GOLGA5: variants seen among roughly 807,000 people sequenced by gnomAD.
GOLGA5 encodes the protein golgin A5.
A neutral mutation model predicts 93.5 loss-of-function variants in GOLGA5; 50 were observed. That is an observed-to-expected ratio of 0.53 (90% CI 0.43 to 0.68). The LOEUF (loss-of-function observed/expected upper bound fraction) is 0.68. Among genes scored for constraint, GOLGA5 ranks in the 30% least tolerant of loss-of-function variants. The pLI, the probability that GOLGA5 is intolerant of heterozygous loss-of-function variation, is 0.00. For missense variants in GOLGA5, 760 were observed against 856.4 expected, an observed-to-expected ratio of 0.89 and a Z score of 1.40; for synonymous variants, 312 against 304.5, an observed-to-expected ratio of 1.02 and a Z score of -0.26.
chr14:92,822,165 A>G (rs915159953), intron 8 of GOLGA5, among the ~76,000 whole-genome samples: 1 of 152,196 alleles, frequency 6.6e-6, no homozygotes, highest in Non-Finnish European at 1.5e-5. Context: ...AAACCTTGTA[A>G]AGTGTGATTC....
chr14:92,795,438 A>T (rs1394336330), intron 1 of GOLGA5, among the ~76,000 whole-genome samples: 2 of 152,246 alleles, frequency 1.3e-5, no homozygotes, highest in Non-Finnish European at 2.9e-5. Context: ...CACTAGGGTA[A>T]CTTAGACTTG....
chr14:92,812,553 G>A lies in GOLGA5; in HGVS notation c.1320+799G>A, dbSNP rs537436059. Among the ~76,000 whole-genome samples, 17 of 152,232 alleles carry A rather than the reference G, an allele frequency of 1.1e-4. No homozygotes were observed. In the South Asian group the frequency reaches 3.5e-3, roughly 32 times the overall value. Reference sequence around the variant, plus strand: ...TGTACGTGCTGTCTTCATTTCTGTAGAACTTGTTAACTCTTATCTCCTTCT... The same window carrying A: ...TGTACGTGCTGTCTTCATTTCTGTAAAACTTGTTAACTCTTATCTCCTTCT... On this transcript the variant is annotated intron_variant, in intron 6 of 12. Coordinates refer to ENST00000163416, the MANE Select transcript of GOLGA5 (RefSeq NM_005113.4).
intron 8 of GOLGA5, among the ~76,000 whole-genome samples, chr14:92,823,713 C>A (rs966972965): frequency 5.3e-5 from 8 of 152,012 alleles, no homozygotes; most frequent in African/African-American, 1.9e-4. Flanking sequence ...CCGTGCCCAA[C>A]CTGGCTTTTC....
chr14:92,807,137 T>TA (rs1595592884), intron 3 of GOLGA5, among the ~76,000 whole-genome samples, 174 bp downstream of exon 3: 1 of 151,958 alleles, frequency 6.6e-6, no homozygotes, highest in East Asian at 1.9e-4. Flanking sequence ...CTGTGTCTAC[T>TA]AAAAATACAA....
intron 3 of GOLGA5, 53 bp downstream of exon 3, chr14:92,807,016 A>G: frequency 7.9e-7 from 1 of 1,264,994 alleles, no homozygotes; most frequent in Non-Finnish European, 1.2e-6. Context: ...AAATAAACTT[A>G]AGGCTGGACG....
In GOLGA5 at chr14:92,819,705, T is replaced by C; in HGVS notation, c.1492-3T>C. On this transcript the variant is annotated splice_polypyrimidine_tract_variant and splice_region_variant and intron_variant, in intron 7 of 12. Transcript: ENST00000163416. ...CTTTTACATGTAAGCTTTTTCTCTTTAGGATATGGAGGCACAGCAAGTTAA... is the reference window on the plus strand; with the variant it reads ...CTTTTACATGTAAGCTTTTTCTCTTCAGGATATGGAGGCACAGCAAGTTAA... The C allele has an allele frequency of 6.2e-7, 1 of 1,612,958 alleles. No homozygotes were observed. The highest frequency in any genetic ancestry group is 8.5e-7 in the Non-Finnish European group (1 of 1,179,146).
At chr14:92,835,283 A>G (rs1010707073) in intron 10 of GOLGA5, among the ~76,000 whole-genome samples, 3 of 152,172 alleles carry the variant, frequency 2.0e-5, no homozygotes, top group Admixed American at 2.0e-4. Context: ...GCCCATTAAT[A>G]TTGACTCTTG....
At chr14:92,804,748 C>G (rs1239757017) in intron 2 of GOLGA5, among the ~76,000 whole-genome samples, 2 of 148,764 alleles carry the variant, frequency 1.3e-5, no homozygotes, top group African/African-American at 5.0e-5. Flanking sequence ...CTCTGCCTCC[C>G]AGGTTCAAGC....
At chr14:92,806,648 G>A (rs1234122713) in intron 2 of GOLGA5, 88 bp from the exon 3 acceptor site, 1 of 856,110 alleles carries the variant, frequency 1.2e-6, no homozygotes, top group Non-Finnish European at 1.9e-6. Flanking sequence ...AGCTGTAGCA[G>A]TCAACTTGAG....
chr14:92,796,830 CGCGGTGGCGGGT>C (rs1383349168), intron 1 of GOLGA5, among the ~76,000 whole-genome samples: 8 of 64,058 alleles, frequency 1.2e-4, no homozygotes, highest in African/African-American at 1.7e-4. Context: ...ATTAGCCGGG[CGCGGTGGCGGGT>C]GCCTGTAGTC....
In GOLGA5 at chr14:92,809,316, A is replaced by G; in HGVS notation, c.789A>G (p.Arg263=). The change falls in exon 4 of 13, where the codon AGA becomes AGG. Residue 263 remains arginine, a synonymous_variant. Coordinates refer to ENST00000163416, the MANE Select transcript of GOLGA5 (RefSeq NM_005113.4). The part of the protein sequence containing the change: ...KETQEELNKA[R]ARVEKWNADH... ...TTTTAATAGAATTAAACAAAGCAAG[A>G]GCAAGAGTTGAAAAGTGGAATGCTG... is the stretch of plus-strand genomic sequence containing the variant. The G allele has an allele frequency of 3.1e-6, 5 of 1,611,034 alleles. No individual in the cohort carries two copies. Among genetic ancestry groups the G allele is most frequent in the Non-Finnish European group, 4.2e-6 (5 of 1,177,150 alleles).
chr14:92,821,119 T>C lies in GOLGA5; in HGVS notation c.1620+1283T>C, dbSNP rs1885308650. 3.3e-5 allele frequency among the ~76,000 whole-genome samples: 5 copies of C among 152,242 alleles called. No individual in the cohort carries two copies. In the South Asian group the frequency reaches 1.0e-3, roughly 31 times the overall value. On this transcript the variant is annotated intron_variant, in intron 8 of 12. Coordinates refer to ENST00000163416, the MANE Select transcript of GOLGA5 (RefSeq NM_005113.4). ...GAGCCCAGAATGCTTTCTATTACCC[T>C]GTCTGTATTTTGTTATATCTCCTAG...
At chr14:92,818,612 A>G (rs776488655) in intron 7 of GOLGA5, among the ~76,000 whole-genome samples, 3 of 152,194 alleles carry the variant, frequency 2.0e-5, no homozygotes, top group Non-Finnish European at 2.9e-5. Context: ...TTTTTCCTCT[A>G]AATCTACAAA....
At chr14:92,811,110 T>G (rs1885094020) in intron 5 of GOLGA5, among the ~76,000 whole-genome samples, 1 of 152,228 alleles carries the variant, frequency 6.6e-6, no homozygotes, top group South Asian at 2.1e-4. Context: ...TAATGAGATA[T>G]TTTACATTAT....
chr14:92,830,292 TG>T (rs1885502874), intron 9 of GOLGA5, among the ~76,000 whole-genome samples: 1 of 152,180 alleles, frequency 6.6e-6, no homozygotes, highest in South Asian at 2.1e-4. Context: ...CACTCCAGTC[TG>T]GGCGGCAGAG....
chr14:92,834,956 G>T (rs937222834), intron 10 of GOLGA5, among the ~76,000 whole-genome samples: 2 of 152,236 alleles, frequency 1.3e-5, no homozygotes, highest in Admixed American at 1.3e-4. Context: ...TAAGCTGACA[G>T]AATATGTTGG....
At chr14:92,831,456 C>T (rs1885529187) in intron 9 of GOLGA5, among the ~76,000 whole-genome samples, 1 of 152,010 alleles carries the variant, frequency 6.6e-6, no homozygotes, top group Admixed American at 6.5e-5. Flanking sequence ...AGGATTCATA[C>T]TGTGTGATTC....
chr14:92,816,305 G>T lies in GOLGA5; in HGVS notation c.1375G>T (p.Asp459Tyr). 3 of 1,613,998 alleles carry T rather than the reference G, an allele frequency of 1.9e-6. No homozygotes were observed. Among genetic ancestry groups the T allele is most frequent in the Non-Finnish European group, 2.5e-6 (3 of 1,179,850 alleles). Residue 459 changes from aspartate to tyrosine, a missense_variant, in exon 7 of 13, where the codon GAT becomes TAT. Coordinates refer to ENST00000163416, the MANE Select transcript of GOLGA5 (RefSeq NM_005113.4). Reference sequence around the variant, plus strand: ...AGAAGGCTCTGGTTTTGAAGGCCTAGATAGCAGCACTGCCAGTAGCATGGA... The same window carrying T: ...AGAAGGCTCTGGTTTTGAAGGCCTATATAGCAGCACTGCCAGTAGCATGGA... ...LKEGSGFEGL[D>Y]SSTASSMELE...
At chr14:92,804,192 TAA>T (rs1350282162) in intron 2 of GOLGA5, among the ~76,000 whole-genome samples, 10 of 152,006 alleles carry the variant, frequency 6.6e-5, no homozygotes, top group Non-Finnish European at 1.3e-4. Flanking sequence ...GATATATACT[TAA>T]TTTATTTTTT....
Sources: allele counts gnomAD v4.1 joint callset (sites outside exome capture counted in the v4.1 genomes callset), GRCh38; gene constraint gnomAD v4.1.1; transcripts MANE v1.5; gene names NCBI Gene and HGNC (gene_info 2026-07-23, HGNC 2026-07-21).